PARD3: variants seen among roughly 807,000 people sequenced by gnomAD.
PARD3 encodes the protein partitioning defective 3 homolog.
In PARD3, 75 loss-of-function variants were observed where a neutral mutation model predicts 155.4. That is an observed-to-expected ratio of 0.48 (90% confidence interval 0.40 to 0.58). The LOEUF is 0.58. Ranked by LOEUF, PARD3 falls within the 20% of genes least tolerant of loss-of-function variation. The probability of loss-of-function intolerance (pLI) is 0.00; values close to 1 mark genes in which losing one functional copy is unlikely to be tolerated. For missense variants in PARD3, 1,642 were observed against 1,721.7 expected (o/e 0.95, Z 0.82); for synonymous variants, 576 against 610.5 (o/e 0.94, Z 0.83).
intron 22 of PARD3, among the ~76,000 whole-genome samples, chr10:34,196,707 G>A (rs184032135): frequency 0.014 from 2,113 of 151,450 alleles, 48 homozygotes; most frequent in African/African-American, 0.048. Context: ...CCGAGTAGCT[G>A]GGACTACAGG....
chr10:34,431,735 T>C (rs2075912691), intron 5 of PARD3, among the ~76,000 whole-genome samples: 1 of 68,378 alleles, frequency 1.5e-5, no homozygotes, highest in Non-Finnish European at 2.5e-5. Context: ...AGCAAAACTC[T>C]GTCTCAAAAA....
intron 2 of PARD3, among the ~76,000 whole-genome samples, chr10:34,669,521 G>C (rs1380588794): frequency 2.0e-5 from 3 of 152,040 alleles, no homozygotes; most frequent in Non-Finnish European, 4.4e-5. Context: ...ATGGTTAAAA[G>C]CCAAGAATTC....
At chr10:34,118,870 T>C (rs1165635419) in intron 24 of PARD3, among the ~76,000 whole-genome samples, 1 of 152,226 alleles carries the variant, frequency 6.6e-6, no homozygotes, top group African/African-American at 2.4e-5. Context: ...GTCACCTGTT[T>C]TGGGAAGTTT....
At chr10:34,804,032 TTTG>T (rs975820473) in intron 1 of PARD3, among the ~76,000 whole-genome samples, 17 of 129,712 alleles carry the variant, frequency 1.3e-4, no homozygotes, top group South Asian at 4.8e-4. Flanking sequence ...TTGATTTGTT[TTTG>T]TTTTTTTTTT....
rs9417137 is a variant in PARD3 at position 34,693,966 on chromosome 10, T to C, written c.222+2352A>G. ...AAGAAAAAGACTGTGTTTCTATCTA[T>C]CTGAAGAAAGGGAAGAGTCAGGATG... is the stretch of plus-strand genomic sequence containing the variant. On this transcript the variant is annotated intron_variant, in intron 2 of 24. Coordinates refer to ENST00000374788, the MANE Select transcript of PARD3 (RefSeq NM_001184785.2). 4.0e-3 allele frequency among the ~76,000 whole-genome samples: 605 copies of C among 152,252 alleles called. 5 individuals are homozygous for C. The highest frequency in any genetic ancestry group is 0.014 in the African/African-American group (583 of 41,572).
intron 1 of PARD3, among the ~76,000 whole-genome samples, chr10:34,772,407 C>T (rs1838992045): frequency 6.6e-6 from 1 of 152,064 alleles, no homozygotes; most frequent in Admixed American, 6.6e-5. Flanking sequence ...CAATTGTAAA[C>T]CTGTTTTTAA....
At chr10:34,753,368 T>C (rs1191350968) in intron 1 of PARD3, among the ~76,000 whole-genome samples, 1 of 152,170 alleles carries the variant, frequency 6.6e-6, no homozygotes, top group Non-Finnish European at 1.5e-5. Flanking sequence ...GTGTGCCACA[T>C]CTGACTGCTG....
At chr10:34,694,222 G>A (rs2094123245) in intron 2 of PARD3, among the ~76,000 whole-genome samples, 1 of 151,888 alleles carries the variant, frequency 6.6e-6, no homozygotes, top group Admixed American at 6.6e-5. Flanking sequence ...TTGAAAGATT[G>A]ATACGTTAAT....
chr10:34,568,128 T>A (rs2086106061), intron 2 of PARD3, among the ~76,000 whole-genome samples: 1 of 152,148 alleles, frequency 6.6e-6, no homozygotes, highest in African/African-American at 2.4e-5. Flanking sequence ...CACATTTGAG[T>A]CTGTTATCCA....
intron 2 of PARD3, among the ~76,000 whole-genome samples, chr10:34,627,646 G>C (rs183092624): frequency 6.6e-6 from 1 of 152,162 alleles, no homozygotes; most frequent in Non-Finnish European, 1.5e-5. Context: ...CCGAAGCCAG[G>C]AACAGGCATG....
intron 1 of PARD3, among the ~76,000 whole-genome samples, chr10:34,805,265 G>C (rs1843227173): frequency 6.6e-6 from 1 of 152,140 alleles, no homozygotes; most frequent in South Asian, 2.1e-4. Context: ...GCTGAGACAG[G>C]AGAATCGCTT....
At chr10:34,516,120 A>T (rs762567422) in intron 3 of PARD3, among the ~76,000 whole-genome samples, 30 of 151,924 alleles carry the variant, frequency 2.0e-4, no homozygotes, top group Non-Finnish European at 1.3e-4. Context: ...AACCGCCACC[A>T]CGCCTGGCTA....
chr10:34,456,349 T>C (rs1469014060), intron 4 of PARD3, among the ~76,000 whole-genome samples: 1 of 152,148 alleles, frequency 6.6e-6, no homozygotes, highest in Non-Finnish European at 1.5e-5. Context: ...CAGGCTGGAG[T>C]GCAGTGGCTC....
chr10:34,800,722 A>C (rs1180346054), intron 1 of PARD3, among the ~76,000 whole-genome samples: 6 of 152,078 alleles, frequency 3.9e-5, no homozygotes, highest in Non-Finnish European at 7.4e-5. Context: ...GTTAGGAATG[A>C]AAAAAAAGTG....
At chr10:34,618,689 G>C (rs908797066) in intron 2 of PARD3, among the ~76,000 whole-genome samples, 1 of 152,154 alleles carries the variant, frequency 6.6e-6, no homozygotes, top group African/African-American at 2.4e-5. Flanking sequence ...CTTCCTGACT[G>C]ACTGTTTCCA....
At chr10:34,303,819 G>GT (rs1195976462) in intron 20 of PARD3, among the ~76,000 whole-genome samples, 7 of 152,140 alleles carry the variant, frequency 4.6e-5, no homozygotes, top group Admixed American at 3.9e-4. Flanking sequence ...ATGGGCTGAG[G>GT]TGGAGAGGAA....
rs188503975 is a variant in PARD3, at chr10:34,248,793, A to T, written c.3419+20864T>A. On this transcript the variant is annotated intron_variant, in intron 22 of 24. Transcript: ENST00000374788. Reference sequence around the variant, plus strand: ...CAGAATCCTGAAGATCATCATAAACAAAGAATAGTATTAAAATTCATACTC... The same window carrying T: ...CAGAATCCTGAAGATCATCATAAACTAAGAATAGTATTAAAATTCATACTC... 3.9e-5 allele frequency among the ~76,000 whole-genome samples: 6 copies of T among 152,356 alleles called. No individual in the cohort carries two copies. In the East Asian group the frequency reaches 1.2e-3, roughly 29 times the overall value.
intron 22 of PARD3, among the ~76,000 whole-genome samples, chr10:34,195,001 C>G (rs1204295571): frequency 6.6e-6 from 1 of 152,134 alleles, no homozygotes; most frequent in African/African-American, 2.4e-5. Flanking sequence ...TGATTTTGTA[C>G]CTTCCTATCT....
chr10:34,287,297 C>A (rs1034235236), intron 20 of PARD3, among the ~76,000 whole-genome samples: 1 of 151,760 alleles, frequency 6.6e-6, no homozygotes, highest in Non-Finnish European at 1.5e-5. Context: ...CCATTTGAAC[C>A]ATTTAGTGTT....
Sources: gnomAD v4.1 joint callset for allele counts (sites outside exome capture counted in the v4.1 genomes callset) on GRCh38, gnomAD v4.1.1 for gene constraint, MANE v1.5 for transcripts, NCBI Gene and HGNC (gene_info 2026-07-23, HGNC 2026-07-21) for gene names.